PRKN: variants seen among roughly 807,000 people sequenced by gnomAD.
PRKN encodes E3 ubiquitin-protein ligase parkin.
PRKN carries 56 observed loss-of-function variants against 59.5 expected under a neutral mutation model. The ratio of observed to expected loss-of-function variants is 0.94; its 90% CI spans 0.76 to 1.18. The LOEUF (loss-of-function observed/expected upper bound fraction) is 1.18, where lower values mean the gene tolerates loss of function less well. Among genes scored for constraint, PRKN ranks in the 50% most tolerant of loss-of-function variants. The pLI is 0.00. For synonymous variants in PRKN, 250 were observed against 222.1 expected, an observed-to-expected ratio of 1.13 and a Z score of -1.12; for missense variants, 657 against 596.4, an observed-to-expected ratio of 1.10 and a Z score of -1.06.
intron 2 of PRKN, among the ~76,000 whole-genome samples, chr6:162,423,585 T>C (rs182560227): frequency 6.6e-6 from 1 of 152,194 alleles, no homozygotes; most frequent in African/African-American, 2.4e-5. Context: ...ATCTGCTGAG[T>C]GTGATGCAAA....
intron 2 of PRKN, among the ~76,000 whole-genome samples, chr6:162,376,784 A>G (rs1053053768): frequency 3.1e-4 from 18 of 57,156 alleles, no homozygotes; most frequent in Admixed American, 6.1e-4. Context: ...GGGGAGGGGG[A>G]GGGGAGGAGG....
intron 1 of PRKN, among the ~76,000 whole-genome samples, chr6:162,623,020 T>C (rs914123393): frequency 6.6e-6 from 1 of 152,240 alleles, no homozygotes; most frequent in African/African-American, 2.4e-5. Context: ...ACCTTTTCCA[T>C]TGTTTTAATG....
intron 2 of PRKN, among the ~76,000 whole-genome samples, chr6:162,397,816 C>T (rs941076374): frequency 6.6e-6 from 1 of 152,042 alleles, no homozygotes. Context: ...GTGGGTGGAT[C>T]ACTTGAGGTC....
chr6:162,170,496 AG>A (rs910772486), intron 4 of PRKN, among the ~76,000 whole-genome samples: 3 of 152,234 alleles, frequency 2.0e-5, no homozygotes, highest in African/African-American at 7.2e-5. Context: ...AGGAAGGCAG[AG>A]TATAACATTA....
At chr6:161,896,362 G>C (rs1451975968) in intron 6 of PRKN, among the ~76,000 whole-genome samples, 1 of 152,124 alleles carries the variant, frequency 6.6e-6, no homozygotes, top group Admixed American at 6.5e-5. Flanking sequence ...CACTCTCTCT[G>C]GGTGCCCTGA....
In PRKN at chr6:162,519,282, G is replaced by A. The variant is rs193065472; in HGVS notation, c.8-75809C>T. ...CTAGTACAAGAGTAGGCATGCTGTC[G>A]GAGTACAGATGCCAGCGAATTAAGG... On this transcript the variant is annotated intron_variant, in intron 1 of 11. Coordinates refer to ENST00000366898, the MANE Select transcript of PRKN (RefSeq NM_004562.3). Among the ~76,000 whole-genome samples, 789 of 152,254 alleles carry A rather than the reference G, an allele frequency of 5.2e-3. 3 individuals are homozygous for A. Among genetic ancestry groups the A allele is most frequent in the African/African-American group, 7.6e-3 (316 of 41,562 alleles).
At chr6:161,714,437 C>G (rs2128183369) in intron 7 of PRKN, among the ~76,000 whole-genome samples, 1 of 152,290 alleles carries the variant, frequency 6.6e-6, no homozygotes, top group East Asian at 1.9e-4. Context: ...CATGTGAAGA[C>G]ACAGCAAGGA....
In PRKN at chr6:161,456,126, G is replaced by A. The variant is rs1290988141; in HGVS notation, c.1084-69249C>T. Among the ~76,000 whole-genome samples, 1 of 152,154 alleles carries A rather than the reference G, an allele frequency of 6.6e-6. No individual in the cohort carries two copies. The highest frequency in any genetic ancestry group is 6.5e-5 in the Admixed American group (1 of 15,280). On this transcript the variant is annotated intron_variant, in intron 9 of 11. Transcript: ENST00000366898. The surrounding 1 kb of genome is among the most constrained non-coding windows in gnomAD (Gnocchi z 4.8). ...ATTGGATTGAAGGACGCAAAGTATTGTTCCTGGGTGTGTCTGTGAGGGTGT... is the reference window on the plus strand; with the variant it reads ...ATTGGATTGAAGGACGCAAAGTATTATTCCTGGGTGTGTCTGTGAGGGTGT...
intron 7 of PRKN, among the ~76,000 whole-genome samples, chr6:161,639,769 G>A (rs62436809): frequency 6.6e-6 from 1 of 152,150 alleles, no homozygotes; most frequent in African/African-American, 2.4e-5. Flanking sequence ...TGTCTCAGTT[G>A]GTTCAGAACT....
intron 1 of PRKN, among the ~76,000 whole-genome samples, chr6:162,602,613 A>C (rs181776525): frequency 1.7e-3 from 257 of 152,326 alleles, no homozygotes; most frequent in Non-Finnish European, 3.3e-3. Flanking sequence ...TTAAGAGTCC[A>C]TTGTAGGTAT....
intron 7 of PRKN, among the ~76,000 whole-genome samples, chr6:161,720,334 C>G (rs778749991): frequency 6.6e-6 from 1 of 152,122 alleles, no homozygotes; most frequent in Non-Finnish European, 1.5e-5. Context: ...ATCTCCCTAC[C>G]TTATGCAGGA....
At chr6:162,475,497 T>C (rs1014848195) in intron 1 of PRKN, among the ~76,000 whole-genome samples, 2 of 152,042 alleles carry the variant, frequency 1.3e-5, no homozygotes, top group Non-Finnish European at 2.9e-5. Flanking sequence ...AAAAATGCAG[T>C]GAGAAGATAG....
At chr6:162,340,523 A>C (rs1784128421) in intron 2 of PRKN, among the ~76,000 whole-genome samples, 1 of 152,122 alleles carries the variant, frequency 6.6e-6, no homozygotes, top group East Asian at 1.9e-4. Context: ...GTGGTACAAA[A>C]TCACTTGTAA....
chr6:161,662,929 G>T (rs1206575053), intron 7 of PRKN, among the ~76,000 whole-genome samples: 2 of 152,174 alleles, frequency 1.3e-5, no homozygotes, highest in Non-Finnish European at 2.9e-5. Context: ...TTGAATTGTA[G>T]CTCCCATAAT....
chr6:162,655,821 A>G (rs1392239603), intron 1 of PRKN, among the ~76,000 whole-genome samples: 1 of 152,202 alleles, frequency 6.6e-6, no homozygotes, highest in Admixed American at 6.5e-5. Context: ...ACCAATAATT[A>G]CAAACACACA....
At chr6:161,657,353 G>A (rs543520135) in intron 7 of PRKN, among the ~76,000 whole-genome samples, 18 of 152,200 alleles carry the variant, frequency 1.2e-4, no homozygotes, top group Admixed American at 6.5e-4. Context: ...TTTTAAAGGC[G>A]AATATGAATA....
chr6:162,103,208 AG>A (rs1780051581), intron 4 of PRKN, among the ~76,000 whole-genome samples: 1 of 152,128 alleles, frequency 6.6e-6, no homozygotes, highest in Admixed American at 6.5e-5. Flanking sequence ...AAAAAGAAAA[AG>A]AAAAAAAGCT....
chr6:162,611,687 A>T (rs2128218891), intron 1 of PRKN, among the ~76,000 whole-genome samples: 1 of 152,304 alleles, frequency 6.6e-6, no homozygotes, highest in South Asian at 2.1e-4. Context: ...TGTCACACTG[A>T]GAAAGGTCCA....
rs557789883 is a variant in PRKN, at chr6:162,036,096, G to A, written c.618+17995C>T. Among the ~76,000 whole-genome samples the A allele has an allele frequency of 4.5e-3, 684 of 151,894 alleles. 3 individuals are homozygous for A. Among genetic ancestry groups the A allele is most frequent in the African/African-American group, 0.016 (649 of 41,452 alleles). ...TCCCAGCACTTTGGGAGGCCGAGGC[G>A]GGCGGATCACGAGGTCAGGAGATAG... On this transcript the variant is annotated intron_variant, in intron 5 of 11. Coordinates refer to ENST00000366898, the MANE Select transcript of PRKN (RefSeq NM_004562.3).
Sources: allele counts gnomAD v4.1 joint callset (sites outside exome capture counted in the v4.1 genomes callset), GRCh38; gene constraint gnomAD v4.1.1; non-coding constraint Gnocchi (gnomAD v3.1); transcripts MANE v1.5; gene names NCBI Gene and HGNC (gene_info 2026-07-23, HGNC 2026-07-21).